The following PLEKHG5 variants were observed in gnomAD, a reference collection of about 807,000 sequenced individuals.
The protein encoded by PLEKHG5 is pleckstrin homology domain-containing family G member 5.
PLEKHG5 carries 52 observed loss-of-function variants against 103.8 expected under a neutral mutation model. That is an observed-to-expected ratio of 0.50 (90% CI 0.40 to 0.63). PLEKHG5 has a LOEUF of 0.63. Among genes scored for constraint, PLEKHG5 ranks in the 30% least tolerant of loss-of-function variants. The pLI, the probability that PLEKHG5 is intolerant of heterozygous loss-of-function variation, is 0.00. For missense variants in PLEKHG5, 1,205 were observed against 1,347.6 expected (o/e 0.89, Z 1.66); for synonymous variants, 592 against 575.5 (o/e 1.03, Z -0.41).
At chr1:6,482,281 G>A (rs562901872) in intron 1 of PLEKHG5, among the ~76,000 whole-genome samples, 1 of 152,328 alleles carries the variant, frequency 6.6e-6, no homozygotes, top group East Asian at 1.9e-4. Flanking sequence ...CGCAAGGACA[G>A]AAATGTTACT....
chr1:6,502,635 G>A (rs1048484076), intron 1 of PLEKHG5, among the ~76,000 whole-genome samples: 5 of 152,218 alleles, frequency 3.3e-5, no homozygotes, highest in African/African-American at 1.2e-4. Flanking sequence ...CAGAGGAACC[G>A]AGAGTGACCA....
upstream of PLEKHG5, among the ~76,000 whole-genome samples, chr1:6,499,008 C>T (rs888264360): frequency 1.3e-5 from 2 of 152,198 alleles, no homozygotes; most frequent in African/African-American, 4.8e-5. Flanking sequence ...TGTGTTTCCA[C>T]GGGGACCTGG....
intron 1 of PLEKHG5, among the ~76,000 whole-genome samples, chr1:6,483,863 G>GC (rs1344152849): frequency 3.9e-5 from 6 of 152,210 alleles, no homozygotes; most frequent in Non-Finnish European, 7.4e-5. Flanking sequence ...CTTCCTGGGA[G>GC]CCCCCCGTCT....
intron 1 of PLEKHG5, among the ~76,000 whole-genome samples, chr1:6,482,426 G>A (rs1036864843): frequency 3.3e-5 from 5 of 152,202 alleles, no homozygotes; most frequent in East Asian, 1.9e-4. Context: ...CGAGATAGGC[G>A]TGGTGAGGAT....
At chr1:6,499,330 G>A (rs1645269874), upstream of PLEKHG5, among the ~76,000 whole-genome samples, 1 of 152,136 alleles carries the variant, frequency 6.6e-6, no homozygotes, top group Non-Finnish European at 1.5e-5. Context: ...CTTGGGTTCT[G>A]GAATTCCTTG....
intron 10 of PLEKHG5, among the ~76,000 whole-genome samples, 184 bp downstream of exon 10, chr1:6,472,343 C>A (rs1228621710): frequency 6.6e-6 from 1 of 152,246 alleles, no homozygotes; most frequent in Non-Finnish European, 1.5e-5. Context: ...GACAAACCTG[C>A]CCGAAGCCCC....
At chr1:6,513,417 T>A (rs1483938024) in intron 1 of PLEKHG5, among the ~76,000 whole-genome samples, 2 of 152,282 alleles carry the variant, frequency 1.3e-5, no homozygotes, top group East Asian at 3.9e-4. Context: ...CCTGGTCCCC[T>A]TGGAGAAGCT....
chr1:6,488,190 T>C (rs3007427), intron 1 of PLEKHG5, among the ~76,000 whole-genome samples: 151,080 of 152,354 alleles, frequency 0.99, 74,911 homozygotes, highest in Middle Eastern at 1. Flanking sequence ...CACCCCATCG[T>C]GGGAGTTCCA....
rs750631080 is a variant in PLEKHG5, at chr1:6,469,643, G to A, written c.1834C>T (p.Leu612=). 65 of 1,613,538 alleles carry A rather than the reference G, an allele frequency of 4.0e-5. 1 individual carries two copies. The South Asian group carries it at 6.8e-4, about 17-fold the overall frequency. The part of the protein sequence containing the change: ...DVYCFLFTDL[L]LVTKAVKKAE... The stretch of plus-strand genomic sequence containing the variant: ...TTCTTCACTGCTTTGGTCACCAACA[G>A]CAGATCCGTGAAGAGGAAGCAGTAC... Residue 612 remains leucine (L), a synonymous_variant, in exon 17 of 21, where the codon CTG becomes TTG. Transcript: ENST00000377728.
Position 6,467,878 on chromosome 1 carries a change from G to A in PLEKHG5, c.2958C>T (p.Ala986=), listed in dbSNP as rs760808150. ...GGGTGGTCCTGATTCGGTAGAGCTG[G>A]GCCAGGGTCAGCTTCCTGTGCTGGG... ...VSAQHRKLTL[A]QLYRIRTTLL... Residue 986 remains alanine, a synonymous_variant, in exon 20 of 21, where the codon GCC becomes GCT. Transcript: ENST00000377728. 5.6e-6 allele frequency: 9 copies of A among 1,612,228 alleles called. No homozygotes were observed. Among genetic ancestry groups the A allele is most frequent in the Non-Finnish European group, 5.9e-6 (7 of 1,179,424 alleles).
rs747902055 is a variant in PLEKHG5, at chr1:6,471,594, T to G, written c.1175A>C (p.Gln392Pro). Reference sequence around the variant, plus strand: ...GCTAGCCCACAGCCTGCGGTGCAGCTGCGCGATCTCCGGGATGTTGCTGAA... The same window carrying G: ...GCTAGCCCACAGCCTGCGGTGCAGCGGCGCGATCTCCGGGATGTTGCTGAA... Reference protein sequence around the residue: ...RLFSNIPEIAQLHRRLWASVM... With the variant: ...RLFSNIPEIAPLHRRLWASVM... Residue 392 changes from glutamine to proline, a missense_variant, in exon 12 of 21, where the codon CAG becomes CCG. Physicochemically the swap from Gln to Pro is moderately conservative, Grantham distance 76. Transcript: ENST00000377728. 2 of 1,597,620 alleles carry G rather than the reference T, an allele frequency of 1.3e-6. No homozygotes were observed. The highest frequency in any genetic ancestry group is 4.5e-5 in the East Asian group (2 of 44,150).
At chr1:6,516,470 A>G (rs1358385208) in intron 1 of PLEKHG5, among the ~76,000 whole-genome samples, 1 of 152,094 alleles carries the variant, frequency 6.6e-6, no homozygotes, top group Non-Finnish European at 1.5e-5. Context: ...TAGCCTGGCC[A>G]ACATGGTGAA....
In PLEKHG5 at chr1:6,468,449, G is replaced by A; in HGVS notation, c.2387C>T (p.Ala796Val). Residue 796 changes from alanine to valine, a missense_variant, in exon 20 of 21, where the codon GCC (alanine) becomes GTC (valine). Coordinates refer to ENST00000377728, the MANE Select transcript of PLEKHG5 (RefSeq NM_020631.6). Reference sequence around the variant, plus strand: ...GGGCAGCAGCTCACTGGTGGGCGTGGCAGATGAGGCAGTGGTGCTGAGAGA... The same window carrying A: ...GGGCAGCAGCTCACTGGTGGGCGTGACAGATGAGGCAGTGGTGCTGAGAGA... ...ETSLSTTASS[A>V]TPTSELLPLG... 1 of 1,612,934 alleles carries A rather than the reference G, an allele frequency of 6.2e-7. No individual in the cohort carries two copies. Among genetic ancestry groups the A allele is most frequent in the Non-Finnish European group, 8.5e-7 (1 of 1,179,858 alleles).
At chr1:6,496,045 G>T (rs2148626936), upstream of PLEKHG5, among the ~76,000 whole-genome samples, 1 of 152,282 alleles carries the variant, frequency 6.6e-6, no homozygotes, top group Non-Finnish European at 1.5e-5. Flanking sequence ...CAGGGCCATG[G>T]TCACACTCGC....
At chr1:6,497,101 G>A (rs1645237620), upstream of PLEKHG5, 6 of 1,460,592 alleles carry the variant, frequency 4.1e-6, no homozygotes, top group Admixed American at 2.1e-5. This position sits in a 1 kb window ranked among gnomAD's most constrained non-coding sequence, Gnocchi z 6.1. Context: ...CGCGGTGGGG[G>A]CAGAGCGGCG....
intron 1 of PLEKHG5, 66 bp from the exon 2 acceptor site, chr1:6,477,724 G>A (rs2148598568): frequency 6.5e-7 from 1 of 1,542,858 alleles, no homozygotes; most frequent in Non-Finnish European, 8.7e-7. Context: ...CCCCGGCCCA[G>A]CGCTGCAGGG....
At chr1:6,469,717 G>A in intron 16 of PLEKHG5, 41 bp from the exon 17 acceptor site, 1 of 1,604,578 alleles carries the variant, frequency 6.2e-7, no homozygotes, top group Non-Finnish European at 8.5e-7. Context: ...AGGCCAGCAG[G>A]GTCAGGGCCA....
At chr1:6,507,781 C>T (rs952898458) in intron 1 of PLEKHG5, among the ~76,000 whole-genome samples, 6 of 152,208 alleles carry the variant, frequency 3.9e-5, no homozygotes, top group Admixed American at 6.5e-5. Flanking sequence ...CGCGCCGGCA[C>T]GGGGCCAGGG....
intron 1 of PLEKHG5, among the ~76,000 whole-genome samples, chr1:6,518,367 CCCAA>C (rs1172141278): frequency 1.3e-5 from 2 of 151,202 alleles, no homozygotes; most frequent in Non-Finnish European, 3.0e-5. Flanking sequence ...TCAAGACCAG[CCCAA>C]CCAACATGGA....
Sources: allele counts gnomAD v4.1 joint callset (sites outside exome capture counted in the v4.1 genomes callset), GRCh38; gene constraint gnomAD v4.1.1; non-coding constraint Gnocchi (gnomAD v3.1); transcripts MANE v1.5; gene names NCBI Gene and HGNC (gene_info 2026-07-23, HGNC 2026-07-21).